Variants in KCNIP4 observed in about 807,000 individuals in gnomAD.
KCNIP4 encodes potassium voltage-gated channel interacting protein 4, also known as Kv channel-interacting protein 4.
KCNIP4 carries 12 observed loss-of-function variants against 34.0 expected under a neutral mutation model. That is an observed-to-expected ratio of 0.35 (90% CI 0.23 to 0.57). The LOEUF (loss-of-function observed/expected upper bound fraction) is 0.57, where lower values mean the gene tolerates loss of function less well. Among genes scored for constraint, KCNIP4 ranks in the 20% least tolerant of loss-of-function variants. KCNIP4 has a pLI of 0.83. For missense variants in KCNIP4, 238 were observed against 311.7 expected (o/e 0.76, Z 1.78); for synonymous variants, 124 against 102.2 (o/e 1.21, Z -1.29).
chr4:20,774,413 T>A lies in KCNIP4; in HGVS notation c.289-15523A>T, dbSNP rs143506734. ...TCATATCACTTACTAGCCTGGAACT[T>A]TGAATAAGTTACTAAACTTCTTCAA... On this transcript the variant is annotated intron_variant, in intron 3 of 8. Transcript: ENST00000382152. Among the ~76,000 whole-genome samples, 45 of 152,292 alleles carry A rather than the reference T, an allele frequency of 3.0e-4. No individual in the cohort carries two copies. The East Asian group carries it at 8.5e-3, about 29-fold the overall frequency.
At chr4:21,617,470 A>G (rs914821252) in intron 1 of KCNIP4, among the ~76,000 whole-genome samples, 79 of 152,150 alleles carry the variant, frequency 5.2e-4, no homozygotes, top group Non-Finnish European at 1.0e-3. Flanking sequence ...TAATTTCCCT[A>G]ATGTGTTATA....
chr4:21,751,818 T>C (rs1404838070), intron 1 of KCNIP4, among the ~76,000 whole-genome samples: 1 of 152,078 alleles, frequency 6.6e-6, no homozygotes, highest in African/African-American at 2.4e-5. Context: ...TTAGGGAGGA[T>C]GAGTATTAAA....
At chr4:20,922,557 C>CTATCTATT (rs1172463120) in intron 1 of KCNIP4, among the ~76,000 whole-genome samples, 1 of 96,974 alleles carries the variant, frequency 1.0e-5, no homozygotes, top group Non-Finnish European at 2.3e-5. Context: ...GTCTATCTAT[C>CTATCTATT]TATCTATCTA....
chr4:21,358,414 A>C lies in KCNIP4; in HGVS notation c.62-475705T>G, dbSNP rs538172267. 3.3e-5 allele frequency among the ~76,000 whole-genome samples: 5 copies of C among 152,224 alleles called. No homozygotes were observed. In the East Asian group the frequency reaches 9.7e-4, roughly 29 times the overall value. On this transcript the variant is annotated intron_variant, in intron 1 of 8. Coordinates refer to ENST00000382152, the MANE Select transcript of KCNIP4 (RefSeq NM_025221.6). Reference sequence around the variant, plus strand: ...TGCTTAGTTGTGCATAATCAAATAGATCCTCCGAACCTTATTTGATTCATG... The same window carrying C: ...TGCTTAGTTGTGCATAATCAAATAGCTCCTCCGAACCTTATTTGATTCATG...
At chr4:21,898,356 C>T (rs1391468386) in intron 1 of KCNIP4, among the ~76,000 whole-genome samples, 2 of 152,076 alleles carry the variant, frequency 1.3e-5, no homozygotes, top group South Asian at 2.1e-4. Flanking sequence ...CCAGGCAGCA[C>T]AGCTCGCAGT....
chr4:20,756,161 G>C (rs2149353767), intron 4 of KCNIP4, among the ~76,000 whole-genome samples: 1 of 149,086 alleles, frequency 6.7e-6, no homozygotes, highest in South Asian at 2.2e-4. Flanking sequence ...GCTCCTTTAA[G>C]TGGAAAGTAG....
intron 1 of KCNIP4, among the ~76,000 whole-genome samples, chr4:21,077,844 A>G (rs1445508177): frequency 6.6e-6 from 1 of 152,122 alleles, no homozygotes; most frequent in Non-Finnish European, 1.5e-5. Flanking sequence ...GGCATACATT[A>G]TTGTTCAAAA....
chr4:20,743,172 C>G (rs62411662), intron 5 of KCNIP4, among the ~76,000 whole-genome samples: 2 of 151,868 alleles, frequency 1.3e-5, no homozygotes, highest in Admixed American at 1.3e-4. Context: ...GAATCCATAT[C>G]GTGAACATGG....
At chr4:21,818,244 G>A (rs1374521539) in intron 1 of KCNIP4, among the ~76,000 whole-genome samples, 2 of 152,146 alleles carry the variant, frequency 1.3e-5, no homozygotes, top group East Asian at 3.9e-4. Context: ...TTGGGGGTGG[G>A]TTCCCCCAGT....
intron 2 of KCNIP4, among the ~76,000 whole-genome samples, chr4:20,853,458 G>A (rs1721251609): frequency 6.6e-6 from 1 of 152,040 alleles, no homozygotes; most frequent in South Asian, 2.1e-4. Flanking sequence ...AATGAAACTG[G>A]GTCCTCTTCT....
chr4:21,531,933 G>A (rs376838958), intron 1 of KCNIP4, among the ~76,000 whole-genome samples: 138 of 152,168 alleles, frequency 9.1e-4, no homozygotes, highest in Admixed American at 3.1e-3. Flanking sequence ...ATGCTTTCAA[G>A]CCTTGATGTA....
intron 1 of KCNIP4, among the ~76,000 whole-genome samples, chr4:21,650,386 T>C (rs552186642): frequency 6.6e-6 from 1 of 152,286 alleles, no homozygotes; most frequent in African/African-American, 2.4e-5. Context: ...GGGAGGACAC[T>C]GGTAAAATCT....
intron 3 of KCNIP4, among the ~76,000 whole-genome samples, chr4:20,759,644 A>G (rs551269153): frequency 2.6e-5 from 1 of 38,294 alleles, no homozygotes; most frequent in East Asian, 3.6e-4. Context: ...TTTTGCTAAT[A>G]AAAAAAAGAA....
At chr4:21,740,979 A>T (rs1435177814) in intron 1 of KCNIP4, among the ~76,000 whole-genome samples, 1 of 152,146 alleles carries the variant, frequency 6.6e-6, no homozygotes, top group Admixed American at 6.5e-5. Flanking sequence ...TGTTACCAAA[A>T]AGAGGGAGAG....
At chr4:20,753,820 A>G (rs1754048676) in intron 4 of KCNIP4, among the ~76,000 whole-genome samples, 1 of 152,152 alleles carries the variant, frequency 6.6e-6, no homozygotes, top group Non-Finnish European at 1.5e-5. Context: ...CTTTATGTCT[A>G]CAGAACTCAT....
chr4:21,042,758 A>C (rs1256576359), intron 1 of KCNIP4, among the ~76,000 whole-genome samples: 1 of 152,138 alleles, frequency 6.6e-6, no homozygotes, highest in African/African-American at 2.4e-5. Flanking sequence ...CACTACTTAC[A>C]CGTTTTGAAA....
At chr4:20,780,669 C>T (rs1756795435) in intron 3 of KCNIP4, among the ~76,000 whole-genome samples, 1 of 152,124 alleles carries the variant, frequency 6.6e-6, no homozygotes, top group African/African-American at 2.4e-5. Flanking sequence ...TTCTCCATCC[C>T]CCAGGCCAAA....
intron 3 of KCNIP4, among the ~76,000 whole-genome samples, chr4:20,795,342 G>A (rs999278915): frequency 1.3e-5 from 2 of 152,058 alleles, no homozygotes; most frequent in Admixed American, 1.3e-4. Flanking sequence ...AAATCAAGTG[G>A]CTATAAATGT....
At chr4:21,680,327 C>T (rs115309208) in intron 1 of KCNIP4, among the ~76,000 whole-genome samples, 1,618 of 152,280 alleles carry the variant, frequency 0.011, 27 homozygotes, top group African/African-American at 0.036. Flanking sequence ...GTCACATCTC[C>T]ATGATCCATT....
Sources: allele counts gnomAD v4.1 joint callset (sites outside exome capture counted in the v4.1 genomes callset), GRCh38; gene constraint gnomAD v4.1.1; transcripts MANE v1.5; gene names NCBI Gene and HGNC (gene_info 2026-07-23, HGNC 2026-07-21).